Variants in SLC24A2 observed in about 807,000 individuals in gnomAD.
The protein encoded by SLC24A2 is sodium/potassium/calcium exchanger 2.
In SLC24A2, 36 loss-of-function variants were observed where a neutral mutation model predicts 62.0. The ratio of observed to expected loss-of-function variants is 0.58; its 90% CI spans 0.44 to 0.77. The LOEUF (loss-of-function observed/expected upper bound fraction) is 0.77. SLC24A2 is among the 30% of genes least tolerant of loss of function. The pLI is 0.00. For synonymous variants in SLC24A2, 358 were observed against 294.0 expected, an observed-to-expected ratio of 1.22 and a Z score of -2.23; for missense variants, 846 against 817.9, an observed-to-expected ratio of 1.03 and a Z score of -0.42.
the SLC24A2 span, among the ~76,000 whole-genome samples, chr9:19,936,477 T>C: frequency 6.6e-6 from 1 of 152,144 alleles, no homozygotes; most frequent in Non-Finnish European, 1.5e-5. Context: ...ATTCATCATG[T>C]TGCCCAGGCT....
the SLC24A2 span, among the ~76,000 whole-genome samples, chr9:20,088,140 T>C: frequency 6.6e-6 from 1 of 152,202 alleles, no homozygotes; most frequent in Admixed American, 6.5e-5. Context: ...ATCAGGAGGT[T>C]GGACCCCCAT....
chr9:20,128,762 A>T, the SLC24A2 span, among the ~76,000 whole-genome samples: 1 of 152,136 alleles, frequency 6.6e-6, no homozygotes, highest in Non-Finnish European at 1.5e-5. Context: ...TTTACATGCA[A>T]AAGAATGAAG....
At chr9:20,112,583 G>A in the SLC24A2 span, among the ~76,000 whole-genome samples, 2 of 152,016 alleles carry the variant, frequency 1.3e-5, no homozygotes, top group African/African-American at 4.8e-5. Context: ...CTATAATGAG[G>A]CATTCCATTC....
At chr9:19,687,023 C>A (rs1297358496) in intron 2 of SLC24A2, among the ~76,000 whole-genome samples, 1 of 151,984 alleles carries the variant, frequency 6.6e-6, no homozygotes, top group Non-Finnish European at 1.5e-5. Context: ...TATGTGAACA[C>A]GGGAACAGAA....
At chr9:19,568,506 C>T (rs1835743926) in intron 7 of SLC24A2, among the ~76,000 whole-genome samples, 1 of 152,198 alleles carries the variant, frequency 6.6e-6, no homozygotes, top group Non-Finnish European at 1.5e-5. Context: ...CTAAGCAGTG[C>T]TTATAATGTG....
intron 2 of SLC24A2, among the ~76,000 whole-genome samples, chr9:19,768,152 T>A (rs10964279): frequency 0.011 from 1,599 of 152,282 alleles, 35 homozygotes; most frequent in African/African-American, 0.037. Context: ...CTCTCAATAC[T>A]GCCACATTGG....
the SLC24A2 span, among the ~76,000 whole-genome samples, chr9:20,188,603 T>C: frequency 6.6e-6 from 1 of 152,194 alleles, no homozygotes; most frequent in Non-Finnish European, 1.5e-5. Flanking sequence ...TGAAATGATC[T>C]TGGTGGGCTT....
intron 2 of SLC24A2, among the ~76,000 whole-genome samples, chr9:19,688,400 G>C (rs957750143): frequency 6.6e-6 from 1 of 152,052 alleles, no homozygotes; most frequent in Non-Finnish European, 1.5e-5. Context: ...TAGAAAGCTG[G>C]GTATCATTTG....
the SLC24A2 span, among the ~76,000 whole-genome samples, chr9:20,235,591 T>C: frequency 6.6e-6 from 1 of 152,208 alleles, no homozygotes; most frequent in Non-Finnish European, 1.5e-5. Flanking sequence ...AGTGCAGTAT[T>C]GGGGTGGGAG....
chr9:20,079,742 G>A, the SLC24A2 span, among the ~76,000 whole-genome samples: 1 of 152,110 alleles, frequency 6.6e-6, no homozygotes, highest in Non-Finnish European at 1.5e-5. Flanking sequence ...GTCTGTTAGT[G>A]GTGTATAAGA....
chr9:19,848,754 T>A, the SLC24A2 span, among the ~76,000 whole-genome samples: 1 of 152,178 alleles, frequency 6.6e-6, no homozygotes, highest in East Asian at 1.9e-4. Flanking sequence ...CACAAAAGAT[T>A]GTTCTTCATT....
the SLC24A2 span, among the ~76,000 whole-genome samples, chr9:20,062,649 A>G: frequency 7.2e-6 from 1 of 138,944 alleles, no homozygotes; most frequent in Non-Finnish European, 1.5e-5. Context: ...ATGGGATCTC[A>G]TTAAACTAAA....
the SLC24A2 span, among the ~76,000 whole-genome samples, chr9:20,190,588 G>C: frequency 1.3e-5 from 2 of 152,090 alleles, no homozygotes; most frequent in Non-Finnish European, 2.9e-5. Context: ...AGAAAAGTGA[G>C]GCTCAGAAAG....
chr9:20,116,550 C>A, the SLC24A2 span, among the ~76,000 whole-genome samples: 1 of 152,174 alleles, frequency 6.6e-6, no homozygotes, highest in Non-Finnish European at 1.5e-5. Flanking sequence ...GTGCTTAATT[C>A]TTTCTCAGCA....
chr9:19,916,777 G>T, the SLC24A2 span, among the ~76,000 whole-genome samples: 1 of 151,712 alleles, frequency 6.6e-6, no homozygotes, highest in African/African-American at 2.4e-5. Flanking sequence ...TTTTTCTGGC[G>T]TAAATGTTGA....
At chr9:20,238,680 G>A in the SLC24A2 span, among the ~76,000 whole-genome samples, 6 of 152,130 alleles carry the variant, frequency 3.9e-5, no homozygotes, top group Non-Finnish European at 7.3e-5. Context: ...TGCATGCTTT[G>A]GGACACCCCA....
At chr9:20,304,679 G>C in the SLC24A2 span, among the ~76,000 whole-genome samples, 1 of 152,116 alleles carries the variant, frequency 6.6e-6, no homozygotes, top group African/African-American at 2.4e-5. Context: ...TGTACATTTT[G>C]TTTGAATTAT....
chr9:20,011,188 G>C, the SLC24A2 span, among the ~76,000 whole-genome samples: 3 of 152,156 alleles, frequency 2.0e-5, no homozygotes, highest in Non-Finnish European at 4.4e-5. Flanking sequence ...TTGCCACACT[G>C]TCTTCCACAA....
the SLC24A2 span, among the ~76,000 whole-genome samples, chr9:20,032,371 TTTAA>T: frequency 6.6e-6 from 1 of 152,032 alleles, no homozygotes; most frequent in East Asian, 1.9e-4. Flanking sequence ...AGGATGATGA[TTTAA>T]TTAGAGGTTA....
Sources: gnomAD v4.1 joint callset for allele counts (sites outside exome capture counted in the v4.1 genomes callset) on GRCh38, gnomAD v4.1.1 for gene constraint, MANE v1.5 for transcripts, NCBI Gene and HGNC (gene_info 2026-07-23, HGNC 2026-07-21) for gene names.